AQP3: variants seen among roughly 807,000 people sequenced by gnomAD.
AQP3 encodes aquaporin 3 (Gill blood group).
In AQP3, 15 loss-of-function variants were observed where a neutral mutation model predicts 30.3. The observed-to-expected ratio is 0.49, with a 90% CI of 0.33 to 0.76. The LOEUF is 0.76. Among genes scored for constraint, AQP3 ranks in the 30% least tolerant of loss-of-function variants. AQP3 has a pLI of 0.02. For synonymous variants in AQP3, 153 were observed against 163.2 expected (o/e 0.94, Z 0.47); for missense variants, 272 against 384.8 (o/e 0.71, Z 2.45).
Position 33,443,298 on chromosome 9 carries a change from A to T in AQP3, c.373+23T>A. Reference sequence around the variant, plus strand: ...AACAGAGGGACGGGGGTAGTGGAGGAGGACAGGGTGGGGAATGCTTACCAT... The same window carrying T: ...AACAGAGGGACGGGGGTAGTGGAGGTGGACAGGGTGGGGAATGCTTACCAT... On this transcript the variant is annotated intron_variant, in intron 3 of 5. Transcript: ENST00000297991. This position sits in a 1 kb window ranked among gnomAD's most constrained non-coding sequence, Gnocchi z 5.0. 2 of 1,570,046 alleles carry T rather than the reference A, an allele frequency of 1.3e-6. No individual in the cohort carries two copies. The highest frequency in any genetic ancestry group is 1.7e-6 in the Non-Finnish European group (2 of 1,157,262).
intron 1 of AQP3, among the ~76,000 whole-genome samples, chr9:33,447,043 C>G (rs1231948784): frequency 6.6e-6 from 1 of 152,196 alleles, no homozygotes; most frequent in East Asian, 1.9e-4. Flanking sequence ...CCGCCCCCTC[C>G]CCTACATCTG....
intron 4 of AQP3, 95 bp from the exon 5 acceptor site, chr9:33,442,613 G>T (rs1340118631): frequency 6.8e-6 from 9 of 1,316,568 alleles, no homozygotes; most frequent in Non-Finnish European, 9.6e-6. Flanking sequence ...TTAAACTCTT[G>T]TCAGCGCCCG....
Position 33,441,913 on chromosome 9 carries a change from G to A in AQP3, c.*130C>T. The A allele has an allele frequency of 1.4e-6, 2 of 1,399,502 alleles. No individual in the cohort carries two copies. Among genetic ancestry groups the A allele is most frequent in the Non-Finnish European group, 1.9e-6 (2 of 1,026,670 alleles). 86.7% of individuals were successfully genotyped at this position (1,399,502 alleles called of 1,614,324 possible). ...AATCCTGAAGGGGCTGTCTCGTGGG[G>A]TGAGGGTAGATAGGGAGCTCCTTAG... On this transcript the variant is annotated 3_prime_UTR_variant, in exon 6 of 6. Transcript: ENST00000297991.
Position 33,443,183 on chromosome 9 carries a change from A to G in AQP3, c.373+138T>C, listed in dbSNP as rs2118969199. The G allele has an allele frequency of 3.0e-6, 4 of 1,343,212 alleles. No individual in the cohort carries two copies. The highest frequency in any genetic ancestry group is 1.3e-5 in the South Asian group (1 of 76,916). 83.2% of individuals were successfully genotyped at this position (1,343,212 alleles called of 1,614,324 possible). ...CTTTCCCTTCGTGCCCCCTACCTTG[A>G]CCCTGTGCGTGAATGAGTGAGTCAT... is the stretch of plus-strand genomic sequence containing the variant. On this transcript the variant is annotated intron_variant, in intron 3 of 5. Coordinates refer to ENST00000297991, the MANE Select transcript of AQP3 (RefSeq NM_004925.5). The surrounding 1 kb of genome is among the most constrained non-coding windows in gnomAD (Gnocchi z 5.0).
chr9:33,443,935 C>T lies in AQP3; in HGVS notation c.109-43G>A. On this transcript the variant is annotated intron_variant, in intron 1 of 5. Transcript: ENST00000297991. This position sits in a 1 kb window ranked among gnomAD's most constrained non-coding sequence, Gnocchi z 5.0. ...AGGCAGGGAGGGTGAGGACCAGCAA[C>T]TCTCACTCCAGAAGGAAGGGGTGAA... is the stretch of plus-strand genomic sequence containing the variant. 1 of 1,603,908 alleles carries T rather than the reference C, an allele frequency of 6.2e-7. No individual in the cohort carries two copies. Among genetic ancestry groups the T allele is most frequent in the Admixed American group, 1.7e-5 (1 of 59,738 alleles).
At chr9:33,445,508 G>C (rs897734224) in intron 1 of AQP3, among the ~76,000 whole-genome samples, 1 of 152,212 alleles carries the variant, frequency 6.6e-6, no homozygotes, top group Non-Finnish European at 1.5e-5. Flanking sequence ...GTATGTGTGA[G>C]GAGGGGTGGT....
In AQP3 at chr9:33,443,541, G is replaced by A. The variant is rs1009440020; in HGVS notation, c.236-83C>T. On this transcript the variant is annotated intron_variant, in intron 2 of 5. Transcript: ENST00000297991. The surrounding 1 kb of genome is among the most constrained non-coding windows in gnomAD (Gnocchi z 5.0). The stretch of plus-strand genomic sequence containing the variant: ...GGTCCCCTGAGAAGGGGTGCAGAGA[G>A]GGGTTTCTTGCACAGGATGGCGGTT... 7 of 1,540,766 alleles carry A rather than the reference G, an allele frequency of 4.5e-6. No individual in the cohort carries two copies. The highest frequency in any genetic ancestry group is 6.2e-6 in the Non-Finnish European group (7 of 1,134,048).
At position 33,442,146 on chromosome 9, in the gene AQP3, A is replaced by G. The variant is rs567712244; in HGVS notation, c.776T>C (p.Phe259Ser). 1.3e-5 allele frequency: 21 copies of G among 1,613,494 alleles called. No homozygotes were observed. The African/African-American group carries it at 2.8e-4, about 22-fold the overall frequency. Residue 259 changes from phenylalanine to serine, a missense_variant, in exon 6 of 6, where the codon TTC (phenylalanine) becomes TCC (serine). Phe to Ser is a radical substitution (Grantham distance 155, BLOSUM62 -2). Around this residue, in one of 3 missense-constraint regions of AQP3, gnomAD observed 51 missense variants for 51.8 expected, o/e 0.98. Coordinates refer to ENST00000297991, the MANE Select transcript of AQP3 (RefSeq NM_004925.5). ...SPLLGSIAGVFVYQLMIGCHL... is the reference protein window; with the variant it reads ...SPLLGSIAGVSVYQLMIGCHL... ...GCAGCCGATCATCAGCTGGTACACG[A>G]AGACACCCGCAATGGAGCCCAGGAG...
In AQP3 at chr9:33,447,559, G is replaced by C. The variant is rs747541959; in HGVS notation, c.-29C>G. ...GGGGCAGGCGGCGGCGCTGTCGGGC[G>C]GGCAGGGGTGGCGGGAGGCGGTGGC... is the stretch of plus-strand genomic sequence containing the variant. On this transcript the variant is annotated 5_prime_UTR_variant, in exon 1 of 6. Coordinates refer to ENST00000297991, the MANE Select transcript of AQP3 (RefSeq NM_004925.5). 1.3e-6 allele frequency: 2 copies of C among 1,547,030 alleles called. No individual in the cohort carries two copies. Among genetic ancestry groups the C allele is most frequent in the Admixed American group, 1.9e-5 (1 of 53,460 alleles).
chr9:33,442,448 CG>C lies in AQP3; in HGVS notation c.562del (p.Arg188GlufsTer76). 1 of 1,611,744 alleles carries C rather than the reference CG, an allele frequency of 6.2e-7. No individual in the cohort carries two copies. The highest frequency in any genetic ancestry group is 8.5e-7 in the Non-Finnish European group (1 of 1,179,374). ...GCCCACGGTGAAGGCCTCCAGGCCT[CG>C]GGGGACGGGGTTGTTGTAGGGGTCA... ...IVDPYNNPVP[R>X]GLEAFTVGLV... On this transcript the variant is annotated frameshift_variant, in exon 5 of 6. Transcript: ENST00000297991. LOFTEE classifies it high-confidence loss of function.
chr9:33,441,913 G>T lies in AQP3; in HGVS notation c.*130C>A. ...AATCCTGAAGGGGCTGTCTCGTGGG[G>T]TGAGGGTAGATAGGGAGCTCCTTAG... On this transcript the variant is annotated 3_prime_UTR_variant, in exon 6 of 6. Coordinates refer to ENST00000297991, the MANE Select transcript of AQP3 (RefSeq NM_004925.5). 7.1e-7 allele frequency: 1 copy of T among 1,399,500 alleles called. No homozygotes were observed. The highest frequency in any genetic ancestry group is 9.7e-7 in the Non-Finnish European group (1 of 1,026,668). The allele number at this position is 1,399,500 out of a possible 1,614,324, so 86.7% of individuals were successfully genotyped here. A position where few individuals can be genotyped will look rare whatever the true frequency, so the allele number is the denominator to read the frequency against.
intron 1 of AQP3, among the ~76,000 whole-genome samples, chr9:33,445,071 G>A (rs975311984): frequency 6.6e-6 from 1 of 152,170 alleles, no homozygotes; most frequent in Non-Finnish European, 1.5e-5. Flanking sequence ...GGCTGAGATG[G>A]GAGGATCTTG....
Position 33,447,556 on chromosome 9 carries a change from G to A in AQP3, c.-26C>T, listed in dbSNP as rs1273123007. 1.9e-6 allele frequency: 3 copies of A among 1,555,450 alleles called. No individual in the cohort carries two copies. The highest frequency in any genetic ancestry group is 2.6e-6 in the Non-Finnish European group (3 of 1,143,826). ...GGCGGGGCAGGCGGCGGCGCTGTCG[G>A]GCGGGCAGGGGTGGCGGGAGGCGGT... On this transcript the variant is annotated 5_prime_UTR_variant, in exon 1 of 6. Transcript: ENST00000297991.
Position 33,443,644 on chromosome 9 carries a change from C to T in AQP3, c.235+122G>A, listed in dbSNP as rs1263948344. 1.4e-5 allele frequency: 22 copies of T among 1,529,560 alleles called. No homozygotes were observed. Among genetic ancestry groups the T allele is most frequent in the Non-Finnish European group, 2.0e-5 (22 of 1,115,166 alleles). The allele number at this position is 1,529,560 out of a possible 1,614,324, so 94.7% of individuals were successfully genotyped here. A position where few individuals can be genotyped will look rare whatever the true frequency, so the allele number is the denominator to read the frequency against. On this transcript the variant is annotated intron_variant, in intron 2 of 5. Transcript: ENST00000297991. This position sits in a 1 kb window ranked among gnomAD's most constrained non-coding sequence, Gnocchi z 5.0. ...AGTTCTAAGTGTCAAGTTTCTTCTC[C>T]ACCCTCCTTTCCCAAGGGGCCAAAG... is the stretch of plus-strand genomic sequence containing the variant.
chr9:33,446,029 T>C (rs1032304401), intron 1 of AQP3, among the ~76,000 whole-genome samples: 2 of 152,138 alleles, frequency 1.3e-5, no homozygotes, highest in Admixed American at 6.5e-5. Flanking sequence ...ACGGCTCCTT[T>C]GTGAGAGAGT....
In AQP3 at chr9:33,443,275, C is replaced by G; in HGVS notation, c.373+46G>C. On this transcript the variant is annotated intron_variant, in intron 3 of 5. Coordinates refer to ENST00000297991, the MANE Select transcript of AQP3 (RefSeq NM_004925.5). This position sits in a 1 kb window ranked among gnomAD's most constrained non-coding sequence, Gnocchi z 5.0. ...AGGCCTGGTGCCAGCAGGTCCTGAA[C>G]AGAGGGACGGGGGTAGTGGAGGAGG... 6.4e-7 allele frequency: 1 copy of G among 1,560,138 alleles called. No individual in the cohort carries two copies. Among genetic ancestry groups the G allele is most frequent in the Non-Finnish European group, 8.7e-7 (1 of 1,151,600 alleles).
rs555252418 is a variant in AQP3 at position 33,444,380 on chromosome 9, A to T, written c.109-488T>A. On this transcript the variant is annotated intron_variant, in intron 1 of 5. Transcript: ENST00000297991. Reference sequence around the variant, plus strand: ...TTTGGTAGGCCGAGGTGGGTGGATCACCTGAGGTCAGGAGTTTGAGACCAG... The same window carrying T: ...TTTGGTAGGCCGAGGTGGGTGGATCTCCTGAGGTCAGGAGTTTGAGACCAG... 2.6e-4 allele frequency among the ~76,000 whole-genome samples: 40 copies of T among 152,124 alleles called. No homozygotes were observed. The South Asian group carries it at 7.1e-3, about 27-fold the overall frequency.
Position 33,441,706 on chromosome 9 carries a change from C to CA in AQP3, c.*336_*337insT. The CA allele has an allele frequency of 2.4e-6, 1 of 408,230 alleles. No homozygotes were observed. Among genetic ancestry groups the CA allele is most frequent in the Non-Finnish European group, 4.1e-6 (1 of 241,076 alleles). The allele number at this position is 408,230 out of a possible 1,614,324, so 25.3% of individuals were successfully genotyped here. A position where few individuals can be genotyped will look rare whatever the true frequency, so the allele number is the denominator to read the frequency against. ...TCCCTTGCCCTGAATATCTGGGAAC[C>CA]CCCCCCACACACACACACCCCTGCA... On this transcript the variant is annotated 3_prime_UTR_variant, in exon 6 of 6. Transcript: ENST00000297991.
intron 1 of AQP3, 54 bp downstream of exon 1, chr9:33,447,369 T>C (rs923636944): frequency 3.5e-6 from 5 of 1,446,372 alleles, no homozygotes; most frequent in East Asian, 2.4e-5. Context: ...AAGTGAGAGT[T>C]TGGGGAGTGC....
Sources: gnomAD v4.1 joint callset for allele counts (sites outside exome capture counted in the v4.1 genomes callset) on GRCh38, gnomAD v4.1.1 for gene constraint, gnomAD v4.1.1 regional missense constraint, Gnocchi (gnomAD v3.1) non-coding constraint, MANE v1.5 for transcripts, NCBI Gene and HGNC (gene_info 2026-07-23, HGNC 2026-07-21) for gene names.